The following RBFOX3 variants were observed in gnomAD, a reference collection of about 807,000 sequenced individuals.
RBFOX3 encodes the protein RNA binding protein fox-1 homolog 3.
RBFOX3 carries 17 observed loss-of-function variants against 48.7 expected under a neutral mutation model. The observed-to-expected ratio is 0.35, with a 90% confidence interval of 0.24 to 0.52. The LOEUF (loss-of-function observed/expected upper bound fraction) is 0.52. RBFOX3 is among the 20% of genes least tolerant of loss of function. RBFOX3 has a pLI of 0.94. For synonymous variants in RBFOX3, 212 were observed against 209.5 expected, an observed-to-expected ratio of 1.01 and a Z score of -0.10; for missense variants, 382 against 497.5, an observed-to-expected ratio of 0.77 and a Z score of 2.21.
intron 4 of RBFOX3, among the ~76,000 whole-genome samples, chr17:79,148,224 G>A (rs2043474060): frequency 1.3e-5 from 2 of 152,230 alleles, no homozygotes; most frequent in Admixed American, 6.5e-5. Flanking sequence ...TCTGGTTGGA[G>A]GACTGGGGTC....
chr17:79,253,386 C>T (rs1231242113), intron 3 of RBFOX3, among the ~76,000 whole-genome samples: 1 of 152,132 alleles, frequency 6.6e-6, no homozygotes, highest in East Asian at 1.9e-4. Flanking sequence ...TGAAAAAAAC[C>T]TCTTCTGTAT....
chr17:79,422,756 G>T (rs1394379915), intron 2 of RBFOX3, among the ~76,000 whole-genome samples: 1 of 152,108 alleles, frequency 6.6e-6, no homozygotes, highest in Admixed American at 6.5e-5. Flanking sequence ...AACTTCATAT[G>T]TTGCAGCCCT....
At chr17:79,606,012 C>A (rs900865311) in intron 1 of RBFOX3, among the ~76,000 whole-genome samples, 3 of 152,198 alleles carry the variant, frequency 2.0e-5, no homozygotes, top group African/African-American at 7.2e-5. Flanking sequence ...TTCTTCTGCC[C>A]CCTATCCCCT....
Position 79,555,643 on chromosome 17 carries a change from A to ATGGTGG in RBFOX3, c.-320+55177_-320+55182dup, listed in dbSNP as rs1284476177. Among the ~76,000 whole-genome samples, 16 of 3,344 alleles carry ATGGTGG rather than the reference A, an allele frequency of 4.8e-3. No homozygotes were observed. In the East Asian group the frequency reaches 0.099, roughly 21 times the overall value. The allele number at this position is 3,344 out of a possible 152,430, so 2.2% of individuals were successfully genotyped here. A position where few individuals can be genotyped will look rare whatever the true frequency, so the allele number is the denominator to read the frequency against. ...GGTGGTAATGGTGATTATGTCAGTG[A>ATGGTGG]TGGTGGTGGTGGTGGTGGTGATGGT... On this transcript the variant is annotated intron_variant, in intron 1 of 14. Transcript: ENST00000693108.
At chr17:79,644,869 C>T in the RBFOX3 span, among the ~76,000 whole-genome samples, 1 of 152,184 alleles carries the variant, frequency 6.6e-6, no homozygotes, top group Non-Finnish European at 1.5e-5. Context: ...TAATCAGAAT[C>T]CCAACAGGCT....
intron 1 of RBFOX3, among the ~76,000 whole-genome samples, chr17:79,587,114 G>T (rs983197758): frequency 6.6e-6 from 1 of 152,188 alleles, no homozygotes. Flanking sequence ...ACTGGTGGGC[G>T]CAAGGCAGAA....
intron 1 of RBFOX3, among the ~76,000 whole-genome samples, chr17:79,537,219 G>C (rs1027125093): frequency 9.2e-5 from 14 of 152,088 alleles, no homozygotes; most frequent in African/African-American, 3.1e-4. Context: ...AGATTCTAAG[G>C]CTCCTCCCTC....
chr17:79,309,704 G>A (rs2076580575), intron 2 of RBFOX3, among the ~76,000 whole-genome samples: 1 of 152,192 alleles, frequency 6.6e-6, no homozygotes, highest in Non-Finnish European at 1.5e-5. Flanking sequence ...CCTGGTGGGA[G>A]GTAACTGGAT....
At chr17:79,499,499 C>T (rs1555776370) in intron 1 of RBFOX3, among the ~76,000 whole-genome samples, 2 of 152,176 alleles carry the variant, frequency 1.3e-5, no homozygotes, top group Non-Finnish European at 2.9e-5. Context: ...CACAAAGAAA[C>T]CCCAATGAGA....
intron 4 of RBFOX3, among the ~76,000 whole-genome samples, chr17:79,227,677 G>A (rs1488258202): frequency 6.6e-6 from 1 of 152,188 alleles, no homozygotes; most frequent in African/African-American, 2.4e-5. Flanking sequence ...TGGCCAAGAG[G>A]CAAAAAGCAA....
chr17:79,340,556 C>T (rs1351826400), intron 2 of RBFOX3, among the ~76,000 whole-genome samples: 3 of 152,136 alleles, frequency 2.0e-5, no homozygotes, highest in Admixed American at 6.5e-5. Context: ...CACTGCACAT[C>T]CTGGTGTGTC....
intron 4 of RBFOX3, among the ~76,000 whole-genome samples, chr17:79,140,242 T>C (rs1471856006): frequency 2.0e-5 from 3 of 152,248 alleles, no homozygotes; most frequent in African/African-American, 7.2e-5. Flanking sequence ...GAGAGCTTAG[T>C]GGCTATGGGC....
chr17:79,290,504 G>A (rs2073041554), intron 3 of RBFOX3, among the ~76,000 whole-genome samples: 1 of 152,022 alleles, frequency 6.6e-6, no homozygotes, highest in South Asian at 2.1e-4. Flanking sequence ...CTCATGCCTG[G>A]TGCCTGGGAA....
At chr17:79,648,094 G>T in the RBFOX3 span, among the ~76,000 whole-genome samples, 1 of 152,132 alleles carries the variant, frequency 6.6e-6, no homozygotes, top group Non-Finnish European at 1.5e-5. Context: ...GAGCTGGTCT[G>T]GGGGTGCAGT....
chr17:79,427,862 G>A (rs1187476539), intron 2 of RBFOX3, among the ~76,000 whole-genome samples: 4 of 152,212 alleles, frequency 2.6e-5, no homozygotes, highest in Admixed American at 6.5e-5. Context: ...ACATGAACAC[G>A]TGTACACACG....
At chr17:79,661,179 T>C in the RBFOX3 span, among the ~76,000 whole-genome samples, 3 of 152,210 alleles carry the variant, frequency 2.0e-5, no homozygotes. Flanking sequence ...CTGGGCTTAA[T>C]ACTTAGGTGA....
intron 2 of RBFOX3, among the ~76,000 whole-genome samples, chr17:79,350,381 GTCTCCCT>G (rs2083682670): frequency 6.6e-6 from 1 of 152,212 alleles, no homozygotes; most frequent in Non-Finnish European, 1.5e-5. Context: ...TCCCAGATGG[GTCTCCCT>G]TCTCCTGGGG....
At position 79,205,668 on chromosome 17, in the gene RBFOX3, T is replaced by C. The variant is rs144726254; in HGVS notation, c.-34+30098A>G. On this transcript the variant is annotated intron_variant, in intron 4 of 14. Coordinates refer to ENST00000693108, the MANE Select transcript of RBFOX3 (RefSeq NM_001350451.2). The surrounding 1 kb of genome is among the most constrained non-coding windows in gnomAD (Gnocchi z 4.5). ...CCTACAAAAACCAGATGAATCAGAGTGGGTGATGGTGGATTACTGGAAACT... is the reference window on the plus strand; with the variant it reads ...CCTACAAAAACCAGATGAATCAGAGCGGGTGATGGTGGATTACTGGAAACT... 4.3e-3 allele frequency among the ~76,000 whole-genome samples: 652 copies of C among 152,146 alleles called. 15 individuals carry two copies. Among genetic ancestry groups the C allele is most frequent in the East Asian group, 0.041 (212 of 5,170 alleles).
At chr17:79,286,111 G>C (rs1465294024) in intron 3 of RBFOX3, among the ~76,000 whole-genome samples, 2 of 152,150 alleles carry the variant, frequency 1.3e-5, no homozygotes, top group Non-Finnish European at 2.9e-5. Context: ...GCTGAGTACT[G>C]GTGCAGAGTC....
Sources: gnomAD v4.1 joint callset for allele counts (sites outside exome capture counted in the v4.1 genomes callset) on GRCh38, gnomAD v4.1.1 for gene constraint, Gnocchi (gnomAD v3.1) non-coding constraint, MANE v1.5 for transcripts, NCBI Gene and HGNC (gene_info 2026-07-23, HGNC 2026-07-21) for gene names.